Variants in RGS7BP observed in about 807,000 individuals in gnomAD.
RGS7BP encodes regulator of G protein signaling 7 binding protein.
A neutral mutation model predicts 31.3 loss-of-function variants in RGS7BP; 9 were observed. That is an observed-to-expected ratio of 0.29 (90% CI 0.17 to 0.50). The LOEUF is 0.50. Among genes scored for constraint, RGS7BP ranks in the 20% least tolerant of loss-of-function variants. The pLI, the probability that RGS7BP is intolerant of heterozygous loss-of-function variation, is 0.98. For synonymous variants in RGS7BP, 115 were observed against 120.1 expected, an observed-to-expected ratio of 0.96 and a Z score of 0.28; for missense variants, 274 against 322.0, an observed-to-expected ratio of 0.85 and a Z score of 1.14.
intron 2 of RGS7BP, among the ~76,000 whole-genome samples, chr5:64,560,602 GC>G (rs1742030949): frequency 1.3e-5 from 2 of 151,408 alleles, no homozygotes; most frequent in South Asian, 4.2e-4. Flanking sequence ...AGAAGTGCAT[GC>G]TTAATTTTTT....
At chr5:64,548,851 CTTT>C (rs555751491) in intron 2 of RGS7BP, among the ~76,000 whole-genome samples, 1 of 137,452 alleles carries the variant, frequency 7.3e-6, no homozygotes, top group African/African-American at 2.7e-5. Context: ...AAGCCCTTTC[CTTT>C]TTTTTTTTTT....
chr5:64,540,837 C>A (rs1469413971), intron 2 of RGS7BP, among the ~76,000 whole-genome samples: 2 of 151,970 alleles, frequency 1.3e-5, no homozygotes, highest in African/African-American at 2.4e-5. Flanking sequence ...CTGTGCAGCA[C>A]AAAAAAAGCC....
At chr5:64,529,104 T>G (rs1205839453) in intron 2 of RGS7BP, among the ~76,000 whole-genome samples, 2 of 152,118 alleles carry the variant, frequency 1.3e-5, no homozygotes. Context: ...ATAAAAATAG[T>G]TTGGGAGGTT....
intron 2 of RGS7BP, among the ~76,000 whole-genome samples, chr5:64,569,028 T>C (rs1156939845): frequency 6.6e-6 from 1 of 152,140 alleles, no homozygotes; most frequent in Admixed American, 6.6e-5. Context: ...TGTTGCTTTA[T>C]ATATAGGTCC....
chr5:64,527,881 G>T (rs972735185), intron 2 of RGS7BP, among the ~76,000 whole-genome samples: 3 of 151,906 alleles, frequency 2.0e-5, no homozygotes, highest in Non-Finnish European at 4.4e-5. Flanking sequence ...CTTTCATTTT[G>T]TTCTTTTTAC....
At position 64,594,869 on chromosome 5, in the gene RGS7BP, G is replaced by C. The variant is rs747725672; in HGVS notation, c.611+12G>C. On this transcript the variant is annotated intron_variant, in intron 4 of 5. Transcript: ENST00000334025. Reference sequence around the variant, plus strand: ...GAGAACACTGAAAGGTAAGTGGGAAGTTACCCTGAATAGACTGCCAATCCT... The same window carrying C: ...GAGAACACTGAAAGGTAAGTGGGAACTTACCCTGAATAGACTGCCAATCCT... 3.7e-6 allele frequency: 6 copies of C among 1,612,562 alleles called. No homozygotes were observed. In the Middle Eastern group the frequency reaches 6.6e-4, roughly 178 times the overall value.
chr5:64,506,574 C>A lies in RGS7BP; in HGVS notation c.-51C>A, dbSNP rs1169441970. ...GCGCCCAGGGCAACAACCGGGCCGC[C>A]CGCGCCGGGGCGCACTGCACCAGCG... On this transcript the variant is annotated 5_prime_UTR_variant, in exon 1 of 6. Coordinates refer to ENST00000334025, the MANE Select transcript of RGS7BP (RefSeq NM_001029875.3). The surrounding 1 kb of genome is among the most constrained non-coding windows in gnomAD (Gnocchi z 4.6). The A allele has an allele frequency of 6.5e-7, 1 of 1,530,616 alleles. No individual in the cohort carries two copies. Among genetic ancestry groups the A allele is most frequent in the Admixed American group, 1.9e-5 (1 of 52,290 alleles). 94.8% of individuals were successfully genotyped at this position (1,530,616 alleles called of 1,614,324 possible).
intron 2 of RGS7BP, among the ~76,000 whole-genome samples, chr5:64,548,012 T>C (rs1023287136): frequency 2.6e-5 from 4 of 152,154 alleles, no homozygotes; most frequent in African/African-American, 4.8e-5. Flanking sequence ...AAGTTTCTGT[T>C]TGATGCAATA....
chr5:64,563,544 A>G (rs1358072028), intron 2 of RGS7BP, among the ~76,000 whole-genome samples: 1 of 152,170 alleles, frequency 6.6e-6, no homozygotes, highest in Non-Finnish European at 1.5e-5. Flanking sequence ...TGATGCTTTT[A>G]TAAGCCAGAG....
intron 1 of RGS7BP, 93 bp from the exon 2 acceptor site, chr5:64,507,618 G>C: frequency 8.6e-7 from 1 of 1,156,304 alleles, no homozygotes; most frequent in Non-Finnish European, 1.2e-6. Flanking sequence ...CTGACTCAGG[G>C]GTCAGTGAAA....
chr5:64,547,135 T>C (rs916072481), intron 2 of RGS7BP, among the ~76,000 whole-genome samples: 1 of 152,256 alleles, frequency 6.6e-6, no homozygotes, highest in Non-Finnish European at 1.5e-5. Flanking sequence ...TCCATTTTTC[T>C]ATTGAATGAC....
At chr5:64,557,756 T>C (rs1384487160) in intron 2 of RGS7BP, among the ~76,000 whole-genome samples, 1 of 152,140 alleles carries the variant, frequency 6.6e-6, no homozygotes, top group Non-Finnish European at 1.5e-5. Flanking sequence ...GCCTAGAACA[T>C]TGCCCCTTTC....
chr5:64,579,980 A>G (rs1742545375), intron 3 of RGS7BP, among the ~76,000 whole-genome samples: 1 of 152,176 alleles, frequency 6.6e-6, no homozygotes, highest in East Asian at 1.9e-4. Flanking sequence ...TCTTTCTTTG[A>G]TAACATTGGA....
intron 3 of RGS7BP, among the ~76,000 whole-genome samples, chr5:64,577,744 T>A (rs1742475304): frequency 6.6e-6 from 1 of 152,126 alleles, no homozygotes; most frequent in Non-Finnish European, 1.5e-5. Context: ...CTCTGACACA[T>A]ACACACACAC....
chr5:64,539,730 T>C (rs1244879453), intron 2 of RGS7BP: 1 of 152,188 alleles, frequency 6.6e-6, no homozygotes. Flanking sequence ...CGCTGATCAT[T>C]AGTGGAATCG....
At chr5:64,539,886 T>C (rs971415080) in intron 2 of RGS7BP, 4 of 152,198 alleles carry the variant, frequency 2.6e-5, no homozygotes, top group Non-Finnish European at 5.9e-5. Context: ...GATATGTAGG[T>C]TAAGTTCATA....
At chr5:64,594,667 T>G in intron 3 of RGS7BP, 43 bp from the exon 4 acceptor site, 1 of 1,608,358 alleles carries the variant, frequency 6.2e-7, no homozygotes, top group East Asian at 2.2e-5. Context: ...GCCTTTATGA[T>G]TTCTTTTTCC....
At chr5:64,519,527 T>G (rs1323367874) in intron 2 of RGS7BP, among the ~76,000 whole-genome samples, 1 of 152,168 alleles carries the variant, frequency 6.6e-6, no homozygotes, top group Non-Finnish European at 1.5e-5. Flanking sequence ...ATAAAGGGAT[T>G]GATGTCACCT....
chr5:64,586,683 G>A (rs532541099), intron 3 of RGS7BP, among the ~76,000 whole-genome samples: 1 of 152,166 alleles, frequency 6.6e-6, no homozygotes, highest in Non-Finnish European at 1.5e-5. Context: ...TATGTTCACC[G>A]TTGTATTCCT....
Sources: gnomAD v4.1 joint callset for allele counts (sites outside exome capture counted in the v4.1 genomes callset) on GRCh38, gnomAD v4.1.1 for gene constraint, Gnocchi (gnomAD v3.1) non-coding constraint, MANE v1.5 for transcripts, NCBI Gene and HGNC (gene_info 2026-07-23, HGNC 2026-07-21) for gene names.